C7orf78: variants seen among roughly 807,000 people sequenced by gnomAD.
C7orf78 encodes the protein chromosome 7 open reading frame 78, also known as putative uncharacterized protein C7orf78.
chr7:12,498,851 T>A, the C7orf78 span, among the ~76,000 whole-genome samples: 1 of 150,938 alleles, frequency 6.6e-6, no homozygotes, highest in Admixed American at 6.6e-5. Context: ...CGGGTTACCC[T>A]CAAAGGGAAG....
the C7orf78 span, among the ~76,000 whole-genome samples, chr7:12,498,709 G>A: frequency 1.3e-5 from 2 of 151,152 alleles, no homozygotes; most frequent in African/African-American, 4.9e-5. Flanking sequence ...GCAGGCCAAC[G>A]TTCAGATTCA....
At chr7:12,495,020 C>T in the C7orf78 span, among the ~76,000 whole-genome samples, 1 of 152,108 alleles carries the variant, frequency 6.6e-6, no homozygotes, top group African/African-American at 2.4e-5. Flanking sequence ...CTGTTCTGCC[C>T]GTCTTCTCCC....
chr7:12,499,056 G>C, the C7orf78 span, among the ~76,000 whole-genome samples: 3 of 151,914 alleles, frequency 2.0e-5, no homozygotes, highest in African/African-American at 7.3e-5. Flanking sequence ...TCACCACCAG[G>C]CCTGCCCTAA....
the C7orf78 span, among the ~76,000 whole-genome samples, chr7:12,489,015 A>G: frequency 1.3e-5 from 2 of 151,652 alleles, no homozygotes; most frequent in African/African-American, 4.8e-5. Flanking sequence ...AGAAAAGACC[A>G]TAGAAAAGGA....
the C7orf78 span, among the ~76,000 whole-genome samples, chr7:12,540,172 G>A: frequency 6.6e-6 from 1 of 152,138 alleles, no homozygotes; most frequent in Admixed American, 6.5e-5. Flanking sequence ...CCTAGTTTTA[G>A]CTTTGAGGCT....
At chr7:12,537,829 T>C in the C7orf78 span, among the ~76,000 whole-genome samples, 1 of 152,190 alleles carries the variant, frequency 6.6e-6, no homozygotes. Flanking sequence ...AATGTTGCTA[T>C]ATGCAAGCAA....
chr7:12,526,861 A>C, the C7orf78 span, among the ~76,000 whole-genome samples: 2 of 151,750 alleles, frequency 1.3e-5, no homozygotes, highest in Non-Finnish European at 2.9e-5. Flanking sequence ...GAACATCTCT[A>C]CTTTCCTAGT....
At chr7:12,529,810 G>C in the C7orf78 span, among the ~76,000 whole-genome samples, 1 of 152,218 alleles carries the variant, frequency 6.6e-6, no homozygotes, top group Non-Finnish European at 1.5e-5. Flanking sequence ...TGTGGTGTTA[G>C]ACGGCATCTT....
At chr7:12,507,673 C>T in the C7orf78 span, among the ~76,000 whole-genome samples, 133 of 152,144 alleles carry the variant, frequency 8.7e-4, 1 homozygote, top group Non-Finnish European at 1.4e-3. Flanking sequence ...TGTCCCTGTG[C>T]AGTAATAACA....
At chr7:12,512,278 A>G in the C7orf78 span, among the ~76,000 whole-genome samples, 2 of 152,124 alleles carry the variant, frequency 1.3e-5, no homozygotes, top group African/African-American at 4.8e-5. Context: ...TTCTTAGAGA[A>G]GAGACTTTCA....
At chr7:12,540,032 A>G in the C7orf78 span, among the ~76,000 whole-genome samples, 5 of 152,240 alleles carry the variant, frequency 3.3e-5, no homozygotes, top group African/African-American at 4.8e-5. Flanking sequence ...ATGTGTATCA[A>G]AAAGAACAGT....
At chr7:12,493,593 C>T in the C7orf78 span, among the ~76,000 whole-genome samples, 3 of 152,120 alleles carry the variant, frequency 2.0e-5, no homozygotes, top group Non-Finnish European at 2.9e-5. Flanking sequence ...CTTTGAGAAC[C>T]GATTTAGTCA....
chr7:12,532,831 T>A, the C7orf78 span, among the ~76,000 whole-genome samples: 3,504 of 152,246 alleles, frequency 0.023, 99 homozygotes, highest in East Asian at 0.12. Context: ...TGGATTTCTA[T>A]GAGGGAGTAC....
At chr7:12,499,477 C>A in the C7orf78 span, among the ~76,000 whole-genome samples, 78 of 148,516 alleles carry the variant, frequency 5.3e-4, no homozygotes, top group Non-Finnish European at 1.0e-3. Context: ...TCAAAAGAGA[C>A]AAAGAAGGCC....
At chr7:12,510,320 G>A in the C7orf78 span, among the ~76,000 whole-genome samples, 1 of 151,986 alleles carries the variant, frequency 6.6e-6, no homozygotes, top group Non-Finnish European at 1.5e-5. Flanking sequence ...AAGTAGCTGG[G>A]GTGACAGGCA....
At chr7:12,541,117 C>T in the C7orf78 span, 4 of 152,320 alleles carry the variant, frequency 2.6e-5, no homozygotes, top group African/African-American at 9.6e-5. Context: ...CTTGTTACCA[C>T]AGGGATCAGA....
At chr7:12,539,139 C>T in the C7orf78 span, among the ~76,000 whole-genome samples, 4 of 152,246 alleles carry the variant, frequency 2.6e-5, no homozygotes, top group East Asian at 7.7e-4. Context: ...TCAGGGCTTT[C>T]CCCCAAGGGT....
the C7orf78 span, among the ~76,000 whole-genome samples, chr7:12,495,472 A>C: frequency 6.6e-6 from 1 of 152,154 alleles, no homozygotes; most frequent in Non-Finnish European, 1.5e-5. Flanking sequence ...TTATGTAAAT[A>C]TGTTATTTTA....
the C7orf78 span, chr7:12,491,735 C>G: frequency 1.3e-5 from 2 of 152,198 alleles, no homozygotes; most frequent in East Asian, 3.8e-4. Flanking sequence ...TCGGATGCAA[C>G]ATGGATCTCA....
Sources: allele counts gnomAD v4.1 joint callset (sites outside exome capture counted in the v4.1 genomes callset), GRCh38; gene constraint gnomAD v4.1.1; transcripts MANE v1.5; gene names NCBI Gene and HGNC (gene_info 2026-07-23, HGNC 2026-07-21).